CAD: variants seen among roughly 807,000 people sequenced by gnomAD.
The protein encoded by CAD is carbamoyl-phosphate synthetase 2, aspartate transcarbamylase, and dihydroorotase, also known as multifunctional protein CAD.
CAD carries 81 observed loss-of-function variants against 237.2 expected under a neutral mutation model. The observed-to-expected ratio is 0.34, with a 90% CI of 0.29 to 0.41. CAD has a LOEUF of 0.41. Ranked by LOEUF, CAD falls within the 10% of genes least tolerant of loss-of-function variation. The pLI, the probability that CAD is intolerant of heterozygous loss-of-function variation, is 1.00. For missense variants in CAD, 2,181 were observed against 2,951.7 expected, an observed-to-expected ratio of 0.74 and a Z score of 6.05; for synonymous variants, 1,196 against 1,162.8, an observed-to-expected ratio of 1.03 and a Z score of -0.58.
chr2:27,243,594 C>A lies in CAD; in HGVS notation c.*76C>A. The stretch of plus-strand genomic sequence containing the variant: ...ATTCCAGTGCCTCCTACGGGGGCAG[C>A]ACACTTAGATATTCCTGGACATCCA... On this transcript the variant is annotated 3_prime_UTR_variant, in exon 44 of 44. Coordinates refer to ENST00000264705, the MANE Select transcript of CAD (RefSeq NM_004341.5). 1.9e-6 allele frequency: 2 copies of A among 1,076,980 alleles called. No individual in the cohort carries two copies. The highest frequency in any genetic ancestry group is 2.8e-6 in the Non-Finnish European group (2 of 723,776). 66.7% of individuals were successfully genotyped at this position (1,076,980 alleles called of 1,614,324 possible).
Position 27,243,592 on chromosome 2 carries a change from A to G in CAD, c.*74A>G, listed in dbSNP as rs1676442809. Reference sequence around the variant, plus strand: ...GAATTCCAGTGCCTCCTACGGGGGCAGCACACTTAGATATTCCTGGACATC... The same window carrying G: ...GAATTCCAGTGCCTCCTACGGGGGCGGCACACTTAGATATTCCTGGACATC... On this transcript the variant is annotated 3_prime_UTR_variant, in exon 44 of 44. Coordinates refer to ENST00000264705, the MANE Select transcript of CAD (RefSeq NM_004341.5). 1.8e-6 allele frequency: 2 copies of G among 1,119,768 alleles called. No individual in the cohort carries two copies. Among genetic ancestry groups the G allele is most frequent in the East Asian group, 2.5e-5 (1 of 39,408 alleles). The allele number at this position is 1,119,768 out of a possible 1,614,324, so 69.4% of individuals were successfully genotyped here. A position where few individuals can be genotyped will look rare whatever the true frequency, so the allele number is the denominator to read the frequency against.
chr2:27,232,308 G>A lies in CAD; in HGVS notation c.2645+84G>A. 6.3e-7 allele frequency: 1 copy of A among 1,580,934 alleles called. No homozygotes were observed. Among genetic ancestry groups the A allele is most frequent in the Non-Finnish European group, 8.6e-7 (1 of 1,163,592 alleles). On this transcript the variant is annotated intron_variant, in intron 17 of 43. Transcript: ENST00000264705. This position sits in a 1 kb window ranked among gnomAD's most constrained non-coding sequence, Gnocchi z 4.1. ...GTGAGGGACCCTTGGGAGGGAGGAA[G>A]GAGAGTGTGGGAGAGCTTTAGAGGC...
At position 27,222,607 on chromosome 2, in the gene CAD, A is replaced by G. The variant is rs1312142665; in HGVS notation, c.584A>G (p.Gln195Arg). Residue 195 changes from glutamine (Q) to arginine (R), a missense_variant, in exon 5 of 44, where the codon CAG becomes CGG. Physicochemically the swap from Gln to Arg is conservative, Grantham distance 43. Around this residue, in one of 12 missense-constraint regions of CAD, gnomAD observed 314 missense variants for 339.4 expected, o/e 0.93. Transcript: ENST00000264705. ...TATAATCAGATCCGATGCCTCTGCC[A>G]GCGTGGGGCTGAGGTCACTGTGGTA... ...LKYNQIRCLCQRGAEVTVVPW... is the reference protein window; with the variant it reads ...LKYNQIRCLCRRGAEVTVVPW... 9 of 1,614,152 alleles carry G rather than the reference A, an allele frequency of 5.6e-6. 1 individual carries two copies. In the South Asian group the frequency reaches 8.8e-5, roughly 16 times the overall value.
At position 27,233,671 on chromosome 2, in the gene CAD, C is replaced by T; in HGVS notation, c.3262C>T (p.Arg1088Cys). ...CQTVGYPCVV[R>C]PSYVLSGAAM... is the part of the protein sequence containing the mutation. ...GACCGTGGGGTACCCCTGTGTGGTG[C>T]GCCCCTCCTATGTGCTGAGCGGTGC... The change falls in exon 21 of 44, where the codon CGC becomes TGC. Residue 1088 changes from arginine (R) to cysteine (C), a missense_variant. Transcript: ENST00000264705. The surrounding 1 kb of genome is among the most constrained non-coding windows in gnomAD (Gnocchi z 6.3). The T allele has an allele frequency of 1.2e-6, 2 of 1,614,152 alleles. No homozygotes were observed. Among genetic ancestry groups the T allele is most frequent in the Non-Finnish European group, 1.7e-6 (2 of 1,180,030 alleles).
intron 2 of CAD, among the ~76,000 whole-genome samples, chr2:27,219,334 A>T (rs1675035440): frequency 1.3e-5 from 2 of 148,608 alleles, no homozygotes; most frequent in African/African-American, 5.2e-5. Flanking sequence ...TTGAGTAACA[A>T]GTTTATGGTT....
intron 12 of CAD, 63 bp from the exon 13 acceptor site, chr2:27,226,068 G>T (rs965482725): frequency 3.2e-6 from 5 of 1,539,464 alleles, no homozygotes; most frequent in Non-Finnish European, 4.5e-6. Flanking sequence ...GGACCCTGGG[G>T]TGCAGCCTTC....
intron 11 of CAD, 34 bp downstream of exon 11, chr2:27,225,277 G>A: frequency 1.6e-6 from 2 of 1,281,704 alleles, no homozygotes; most frequent in Non-Finnish European, 2.2e-6. Flanking sequence ...GAAGAATGGT[G>A]GTGTTTTTTT....
Position 27,237,347 on chromosome 2 carries a change from C to T in CAD, c.4397-32C>T. 1.2e-6 allele frequency: 2 copies of T among 1,610,254 alleles called. No individual in the cohort carries two copies. Among genetic ancestry groups the T allele is most frequent in the Non-Finnish European group, 1.7e-6 (2 of 1,177,114 alleles). ...CTCACCCTTCCTATTTCTGAATCTTCCTGTAATCTTGCTGCTTCCATTTTC... is the reference window on the plus strand; with the variant it reads ...CTCACCCTTCCTATTTCTGAATCTTTCTGTAATCTTGCTGCTTCCATTTTC... On this transcript the variant is annotated intron_variant, in intron 27 of 43. Transcript: ENST00000264705. This position sits in a 1 kb window ranked among gnomAD's most constrained non-coding sequence, Gnocchi z 4.0.
intron 16 of CAD, among the ~76,000 whole-genome samples, 169 bp downstream of exon 16, chr2:27,231,749 A>G (rs1675769592): frequency 6.6e-6 from 1 of 152,184 alleles, no homozygotes; most frequent in Non-Finnish European, 1.5e-5. Context: ...GCAAGGGTGT[A>G]TTACTAGACT....
intron 15 of CAD, 76 bp from the exon 16 acceptor site, chr2:27,231,392 A>G (rs936399328): frequency 6.1e-6 from 5 of 819,978 alleles, no homozygotes; most frequent in East Asian, 2.4e-5. Context: ...ACTATAAACC[A>G]TAAGCATTAT....
rs116697597 is a variant in CAD at position 27,218,772 on chromosome 2, C to T, written c.222+756C>T. Among the ~76,000 whole-genome samples, 894 of 152,214 alleles carry T rather than the reference C, an allele frequency of 5.9e-3. 6 individuals are homozygous for T. The highest frequency in any genetic ancestry group is 0.02 in the African/African-American group (840 of 41,506). On this transcript the variant is annotated intron_variant, in intron 2 of 43. Transcript: ENST00000264705. ...AGTTCAAGCATTAAAAAAAACCCAA[C>T]ATATAGTAATTAAGGTAATAGAGGA...
At chr2:27,226,381 G>A (rs1430906717) in intron 13 of CAD, 62 bp downstream of exon 13, 14 of 1,573,322 alleles carry the variant, frequency 8.9e-6, no homozygotes, top group East Asian at 4.5e-5. Context: ...TATAATTTTT[G>A]GCCCTTGAGG....
At position 27,235,728 on chromosome 2, in the gene CAD, G is replaced by A. The variant is rs1429963799; in HGVS notation, c.4074+88G>A. Reference sequence around the variant, plus strand: ...CCAAAGAATTATCTGGGCTGGGCACGGTGGCATATACCTGTAGTCCCAGAT... The same window carrying A: ...CCAAAGAATTATCTGGGCTGGGCACAGTGGCATATACCTGTAGTCCCAGAT... On this transcript the variant is annotated intron_variant, in intron 25 of 43. Coordinates refer to ENST00000264705, the MANE Select transcript of CAD (RefSeq NM_004341.5). This position sits in a 1 kb window ranked among gnomAD's most constrained non-coding sequence, Gnocchi z 5.2. 1.0e-5 allele frequency: 11 copies of A among 1,103,894 alleles called. No individual in the cohort carries two copies. Among genetic ancestry groups the A allele is most frequent in the Middle Eastern group, 2.0e-4 (1 of 5,052 alleles). The allele number at this position is 1,103,894 out of a possible 1,614,324, so 68.4% of individuals were successfully genotyped here.
chr2:27,234,433 G>A, intron 22 of CAD, 85 bp from the exon 23 acceptor site: 4 of 1,380,994 alleles, frequency 2.9e-6, no homozygotes, highest in Non-Finnish European at 4.1e-6. Context: ...CCCCAGAGCT[G>A]AGGACGGAGA....
At position 27,241,508 on chromosome 2, in the gene CAD, C is replaced by G. The variant is rs1303138455; in HGVS notation, c.5883+112C>G. 17 of 991,382 alleles carry G rather than the reference C, an allele frequency of 1.7e-5. No individual in the cohort carries two copies. Among genetic ancestry groups the G allele is most frequent in the Non-Finnish European group, 2.5e-5 (16 of 631,270 alleles). 61.4% of individuals were successfully genotyped at this position (991,382 alleles called of 1,614,324 possible). ...TCTTCCTCCCCCTGCCATCCCGTCC[C>G]CTTATGCTAGTCCATCCCTCTGCTG... is the stretch of plus-strand genomic sequence containing the variant. On this transcript the variant is annotated intron_variant, in intron 38 of 43. Coordinates refer to ENST00000264705, the MANE Select transcript of CAD (RefSeq NM_004341.5). This position sits in a 1 kb window ranked among gnomAD's most constrained non-coding sequence, Gnocchi z 4.6.
rs779132280 is a variant in CAD, at chr2:27,241,384, C to T, written c.5871C>T (p.Leu1957=). 31 of 1,614,186 alleles carry T rather than the reference C, an allele frequency of 1.9e-5. No individual in the cohort carries two copies. The highest frequency in any genetic ancestry group is 2.5e-5 in the Non-Finnish European group (29 of 1,180,020). ...LRMMVQKERS[L]DILKGKVMAS... Reference sequence around the variant, plus strand: ...TGATGGTGCAGAAGGAGCGGAGCCTCGACATCCTGAAGGTCAGGATCAGGG... The same window carrying T: ...TGATGGTGCAGAAGGAGCGGAGCCTTGACATCCTGAAGGTCAGGATCAGGG... Residue 1957 remains leucine, a synonymous_variant, in exon 38 of 44, where the codon CTC becomes CTT. Coordinates refer to ENST00000264705, the MANE Select transcript of CAD (RefSeq NM_004341.5). This position sits in a 1 kb window ranked among gnomAD's most constrained non-coding sequence, Gnocchi z 4.6.
Position 27,239,548 on chromosome 2 carries a change from C to A in CAD, c.5394+77C>A. 1 of 1,565,630 alleles carries A rather than the reference C, an allele frequency of 6.4e-7. No homozygotes were observed. Among genetic ancestry groups the A allele is most frequent in the Admixed American group, 1.7e-5 (1 of 58,888 alleles). ...TTCATTTCTTCCCTTCCCAGCACAT[C>A]TACACTGTCCCACTATGTGCACCAC... On this transcript the variant is annotated intron_variant, in intron 33 of 43. Coordinates refer to ENST00000264705, the MANE Select transcript of CAD (RefSeq NM_004341.5). The surrounding 1 kb of genome is among the most constrained non-coding windows in gnomAD (Gnocchi z 4.0).
intron 12 of CAD, 28 bp downstream of exon 12, chr2:27,225,954 C>T (rs761558190): frequency 8.8e-6 from 14 of 1,599,852 alleles, no homozygotes; most frequent in South Asian, 3.3e-5. Context: ...GGGTGGGCGT[C>T]GTGTCAGGCA....
chr2:27,243,017 G>A, intron 42 of CAD, 44 bp downstream of exon 42: 1 of 1,500,744 alleles, frequency 6.7e-7, no homozygotes, highest in Non-Finnish European at 9.2e-7. Flanking sequence ...GCTGCCGTAG[G>A]GCATCAGATA....
Sources: allele counts gnomAD v4.1 joint callset (sites outside exome capture counted in the v4.1 genomes callset), GRCh38; gene constraint gnomAD v4.1.1; regional missense constraint gnomAD v4.1.1; non-coding constraint Gnocchi (gnomAD v3.1); transcripts MANE v1.5; gene names NCBI Gene and HGNC (gene_info 2026-07-23, HGNC 2026-07-21).